BIN2: variants seen among roughly 807,000 people sequenced by gnomAD.
BIN2 encodes the protein bridging integrator 2.
In BIN2, 43 loss-of-function variants were observed where a neutral mutation model predicts 67.9. The ratio of observed to expected loss-of-function variants is 0.63; its 90% CI spans 0.50 to 0.82. The LOEUF (loss-of-function observed/expected upper bound fraction) is 0.82. Ranked by LOEUF, BIN2 falls within the 40% of genes least tolerant of loss-of-function variation. The probability of loss-of-function intolerance (pLI) is 0.00; values close to 1 mark genes in which losing one functional copy is unlikely to be tolerated. For missense variants in BIN2, 581 were observed against 671.6 expected, an observed-to-expected ratio of 0.87 and a Z score of 1.49; for synonymous variants, 244 against 246.8, an observed-to-expected ratio of 0.99 and a Z score of 0.11.
chr12:51,291,946 A>T lies in BIN2; in HGVS notation c.1160T>A (p.Val387Glu). 1 of 1,614,138 alleles carries T rather than the reference A, an allele frequency of 6.2e-7. No individual in the cohort carries two copies. The highest frequency in any genetic ancestry group is 8.5e-7 in the Non-Finnish European group (1 of 1,180,026). Residue 387 changes from valine (V) to glutamate (E), a missense_variant, in exon 10 of 13, where the codon GTA (valine) becomes GAA (glutamate). Val to Glu is a moderately radical substitution (Grantham distance 121). Coordinates refer to ENST00000615107, the MANE Select transcript of BIN2 (RefSeq NM_016293.4). Reference sequence around the variant, plus strand: ...ACTTGCGGTGCGGGTTCGGAGGACTACTTCTGTGGCAGATGATGAAGGCTG... The same window carrying T: ...ACTTGCGGTGCGGGTTCGGAGGACTTCTTCTGTGGCAGATGATGAAGGCTG... ...SGQPSSSATE[V>E]VLRTRTASEG...
rs1226177449 is a variant in BIN2 at position 51,295,848 on chromosome 12, T to A, written c.709A>T (p.Lys237Ter). 3 of 1,613,302 alleles carry A rather than the reference T, an allele frequency of 1.9e-6. No homozygotes were observed. Among genetic ancestry groups the A allele is most frequent in the Non-Finnish European group, 2.5e-6 (3 of 1,179,644 alleles). Residue 237 changes from lysine (K) to a stop codon, truncating the protein, a stop_gained, in exon 9 of 13, where the codon AAA becomes TAA. Transcript: ENST00000615107. LOFTEE classifies it high-confidence loss of function. ...TTATTGGAATGTTGCTTCTCCAGTT[T>A]GCTCATCACCTCGTAGAGATTGTGG... ...LNHNLYEVMSKLEKQHSNKVF... is the reference protein window; with the variant it reads ...LNHNLYEVMS
At chr12:51,312,733 A>G (rs1946025002) in intron 2 of BIN2, among the ~76,000 whole-genome samples, 1 of 152,148 alleles carries the variant, frequency 6.6e-6, no homozygotes, top group Non-Finnish European at 1.5e-5. Flanking sequence ...AAAAAAGTTC[A>G]TCAGATCTAA....
rs1194854256 is a variant in BIN2 at position 51,306,520 on chromosome 12, G to A, written c.163-3379C>T. Among the ~76,000 whole-genome samples the A allele has an allele frequency of 5.9e-5, 9 of 152,234 alleles. No homozygotes were observed. The South Asian group carries it at 6.2e-4, about 11-fold the overall frequency. ...TGGGTGCCAGTAATCCCAACTACTC[G>A]GGAGGCTGAGGCAGGAGAATCACTT... On this transcript the variant is annotated intron_variant, in intron 2 of 12. Coordinates refer to ENST00000615107, the MANE Select transcript of BIN2 (RefSeq NM_016293.4).
chr12:51,294,460 T>G lies in BIN2; in HGVS notation c.761+1336A>C, dbSNP rs192903813. ...CATGTGCCTGTAATCCCAGCTACTC[T>G]GGAGGCTGAGGCAGGAGAATTGCTT... On this transcript the variant is annotated intron_variant, in intron 9 of 12. Coordinates refer to ENST00000615107, the MANE Select transcript of BIN2 (RefSeq NM_016293.4). Among the ~76,000 whole-genome samples the G allele has an allele frequency of 3.2e-3, 481 of 151,064 alleles. 2 individuals are homozygous for G. The highest frequency in any genetic ancestry group is 0.011 in the African/African-American group (457 of 41,140).
intron 12 of BIN2, among the ~76,000 whole-genome samples, chr12:51,284,499 A>T (rs1461797081): frequency 6.6e-6 from 1 of 152,184 alleles, no homozygotes; most frequent in Non-Finnish European, 1.5e-5. Context: ...AATACCTAGA[A>T]GATAGGGCCA....
chr12:51,307,071 T>C (rs1185486696), intron 2 of BIN2, among the ~76,000 whole-genome samples: 1 of 151,322 alleles, frequency 6.6e-6, no homozygotes, highest in East Asian at 2.0e-4. Flanking sequence ...GATTGTGAGG[T>C]CAAGAGATCG....
In BIN2 at chr12:51,313,888, C is replaced by G. The variant is rs1051647162; in HGVS notation, c.97G>C (p.Gly33Arg). 6.2e-6 allele frequency: 10 copies of G among 1,613,728 alleles called. No individual in the cohort carries two copies. The East Asian group carries it at 1.1e-4, about 18-fold the overall frequency. The change falls in exon 2 of 13, where the codon GGG (glycine) becomes CGG (arginine). Residue 33 changes from glycine (G) to arginine (R), a missense_variant. Gly to Arg is a moderately radical substitution (Grantham distance 125). Transcript: ENST00000615107. ...RAQEKVLQKLGKAVETKDERF... is the reference protein window; with the variant it reads ...RAQEKVLQKLRKAVETKDERF... ...TCATCTTTGGTTTCTACAGCTTTCC[C>G]CAATTTCTGCAGCACCTAGGGATAT...
chr12:51,287,936 C>A (rs937890251), intron 11 of BIN2, among the ~76,000 whole-genome samples, 172 bp downstream of exon 11: 6 of 152,200 alleles, frequency 3.9e-5, no homozygotes, highest in Non-Finnish European at 7.3e-5. Flanking sequence ...CAGGCATGAG[C>A]CACCGCGCCC....
intron 3 of BIN2, 48 bp downstream of exon 3, chr12:51,303,039 A>T: frequency 3.8e-6 from 6 of 1,590,802 alleles, no homozygotes; most frequent in Non-Finnish European, 5.2e-6. Context: ...CAAACCTCCT[A>T]GTAGCTGTAT....
At position 51,281,521 on chromosome 12, in the gene BIN2, G is replaced by A. The variant is rs963568018; in HGVS notation, c.1676C>T (p.Thr559Ile). The A allele has an allele frequency of 1.2e-5, 19 of 1,614,004 alleles. No individual in the cohort carries two copies. Among genetic ancestry groups the A allele is most frequent in the Non-Finnish European group, 1.5e-5 (18 of 1,180,004 alleles). ...TAPEPQEEVS[T>I]SENPQL The stretch of plus-strand genomic sequence containing the variant: ...TCTTCAGAGTTGTGGATTTTCACTT[G>A]TGGATACCTGGAAAGTAAACATGAT... Residue 559 changes from threonine to isoleucine, a missense_variant, in exon 13 of 13, where the codon ACA becomes ATA. Coordinates refer to ENST00000615107, the MANE Select transcript of BIN2 (RefSeq NM_016293.4).
At chr12:51,322,484 T>G (rs1946310101) in intron 1 of BIN2, 1 of 152,510 alleles carries the variant, frequency 6.6e-6, no homozygotes, top group South Asian at 2.0e-4. Flanking sequence ...CTTGATCTCC[T>G]GGGCTCAAGC....
In BIN2 at chr12:51,323,964, C is replaced by G; in HGVS notation, c.81+58G>C. On this transcript the variant is annotated intron_variant, in intron 1 of 12. Transcript: ENST00000615107. Reference sequence around the variant, plus strand: ...TGCCCGCCCCTCCTGCCCGGCCGGGCTCGGCCTCGGCCTCGGCTCCCTGTG... The same window carrying G: ...TGCCCGCCCCTCCTGCCCGGCCGGGGTCGGCCTCGGCCTCGGCTCCCTGTG... 2.5e-6 allele frequency: 4 copies of G among 1,595,736 alleles called. No individual in the cohort carries two copies. In the South Asian group the frequency reaches 4.5e-5, roughly 18 times the overall value.
At chr12:51,306,248 G>A (rs1290712537) in intron 2 of BIN2, among the ~76,000 whole-genome samples, 2 of 152,192 alleles carry the variant, frequency 1.3e-5, no homozygotes, top group Non-Finnish European at 2.9e-5. Context: ...TCTTAAAGGA[G>A]TGAAAGGCAC....
chr12:51,308,161 C>T (rs1945917339), intron 2 of BIN2, among the ~76,000 whole-genome samples: 1 of 152,106 alleles, frequency 6.6e-6, no homozygotes, highest in South Asian at 2.1e-4. Context: ...TTTCTCCTTT[C>T]CTGACAGATG....
At chr12:51,291,065 C>T (rs1337272907) in intron 10 of BIN2, among the ~76,000 whole-genome samples, 2 of 152,206 alleles carry the variant, frequency 1.3e-5, no homozygotes, top group Admixed American at 6.5e-5. Context: ...AGGAGAATCA[C>T]TTGAACCCAG....
chr12:51,291,691 G>C lies in BIN2; in HGVS notation c.1415C>G (p.Pro472Arg). ...CTCAGGAGTTCTTACTGGCTTCTCT[G>C]GTGGTTCTGGATTAGGAGAGACCTC... ...SLEVSPNPEPPEKPVRTPEAK... is the reference protein window; with the variant it reads ...SLEVSPNPEPREKPVRTPEAK... The change falls in exon 10 of 13, where the codon CCA (proline) becomes CGA (arginine). Residue 472 changes from proline to arginine, a missense_variant. Transcript: ENST00000615107. 1 of 1,613,800 alleles carries C rather than the reference G, an allele frequency of 6.2e-7. No individual in the cohort carries two copies. Among genetic ancestry groups the C allele is most frequent in the Non-Finnish European group, 8.5e-7 (1 of 1,179,822 alleles).
intron 1 of BIN2, among the ~76,000 whole-genome samples, chr12:51,319,283 C>T (rs1946208265): frequency 6.6e-6 from 1 of 152,112 alleles, no homozygotes. Context: ...TTGGGGGGTA[C>T]TGAGAGAAAC....
At chr12:51,288,724 C>A (rs1945307674) in intron 10 of BIN2, among the ~76,000 whole-genome samples, 1 of 150,410 alleles carries the variant, frequency 6.6e-6, no homozygotes, top group Non-Finnish European at 1.5e-5. Flanking sequence ...CTACAATGTA[C>A]CTGACTGGAG....
chr12:51,320,344 T>C (rs1946239325), intron 1 of BIN2, among the ~76,000 whole-genome samples: 1 of 152,184 alleles, frequency 6.6e-6, no homozygotes, highest in African/African-American at 2.4e-5. Flanking sequence ...TTAGGATATA[T>C]GATAAAGTAA....
Sources: allele counts gnomAD v4.1 joint callset (sites outside exome capture counted in the v4.1 genomes callset), GRCh38; gene constraint gnomAD v4.1.1; transcripts MANE v1.5; gene names NCBI Gene and HGNC (gene_info 2026-07-23, HGNC 2026-07-21).